Variants in COQ6 observed in about 807,000 individuals in gnomAD.
COQ6 encodes the protein coenzyme Q6, monooxygenase, also known as ubiquinone biosynthesis monooxygenase COQ6, mitochondrial.
In COQ6, 45 loss-of-function variants were observed where a neutral mutation model predicts 55.5. That is an observed-to-expected ratio of 0.81 (90% CI 0.64 to 1.04). The LOEUF (loss-of-function observed/expected upper bound fraction) is 1.04. COQ6 is among the 50% of genes least tolerant of loss of function. The probability of loss-of-function intolerance (pLI) is 0.00; values close to 1 mark genes in which losing one functional copy is unlikely to be tolerated. For missense variants in COQ6, 550 were observed against 601.3 expected (o/e 0.91, Z 0.89); for synonymous variants, 206 against 230.5 (o/e 0.89, Z 0.96).
At chr14:73,958,741 T>C in intron 5 of COQ6, 3 of 1,434,086 alleles carry the variant, frequency 2.1e-6, no homozygotes, top group Non-Finnish European at 2.7e-6. Context: ...TGGCTGAGTT[T>C]AACTCATGGC....
chr14:73,957,104 T>A (rs111535584), intron 4 of COQ6, among the ~76,000 whole-genome samples: 3,180 of 84,812 alleles, frequency 0.037, 88 homozygotes, highest in African/African-American at 0.09. Flanking sequence ...TATTATTATT[T>A]TTTTTTTTTT....
rs1014242022 is a variant in COQ6, at chr14:73,961,061, A to G, written c.892-112A>G. ...TCACTTGTCAAGATCAGTGTAGGCA[A>G]GTTGGGTAGCATTAGCCTAAGCTTT... is the stretch of plus-strand genomic sequence containing the variant. On this transcript the variant is annotated intron_variant, in intron 8 of 11. Coordinates refer to ENST00000334571, the MANE Select transcript of COQ6 (RefSeq NM_182476.3). The G allele has an allele frequency of 5.7e-6, 7 of 1,228,968 alleles. No homozygotes were observed. In the Admixed American group the frequency reaches 1.4e-4, roughly 24 times the overall value. The allele number at this position is 1,228,968 out of a possible 1,614,324, so 76.1% of individuals were successfully genotyped here.
At position 73,955,718 on chromosome 14, in the gene COQ6, T is replaced by C. The variant is rs149268455; in HGVS notation, c.358-87T>C. 1.5e-4 allele frequency: 238 copies of C among 1,590,926 alleles called. No individual in the cohort carries two copies. In the African/African-American group the frequency reaches 2.8e-3, roughly 19 times the overall value. ...AGGCTGACAAATTGTGATTTTCTGCTCTGTCACTTGGGAAAGCAATATTGT... is the reference window on the plus strand; with the variant it reads ...AGGCTGACAAATTGTGATTTTCTGCCCTGTCACTTGGGAAAGCAATATTGT... On this transcript the variant is annotated intron_variant, in intron 3 of 11. Transcript: ENST00000334571.
chr14:73,961,933 C>T (rs760831183), intron 11 of COQ6, 30 bp downstream of exon 11: 3 of 1,612,582 alleles, frequency 1.9e-6, no homozygotes, highest in Admixed American at 1.7e-5. Flanking sequence ...AATGACTTTG[C>T]AAACAGCTCT....
At chr14:73,961,050 C>A (rs2056698554) in intron 8 of COQ6, 123 bp from the exon 9 acceptor site, 2 of 1,098,136 alleles carry the variant, frequency 1.8e-6, no homozygotes, top group Admixed American at 2.0e-5. Flanking sequence ...TTGTCAAGAT[C>A]AGTGTAGGCA....
intron 1 of COQ6, among the ~76,000 whole-genome samples, chr14:73,951,009 A>G (rs11850097): frequency 0.017 from 2,590 of 152,134 alleles, 74 homozygotes; most frequent in African/African-American, 0.059. Context: ...AGTTATTTTT[A>G]TTTTTTGAGA....
chr14:73,961,656 A>G, intron 10 of COQ6, 81 bp from the exon 11 acceptor site: 3 of 1,604,380 alleles, frequency 1.9e-6, no homozygotes, highest in Non-Finnish European at 2.6e-6. Flanking sequence ...GGGAGTGGAC[A>G]TAAAATATAT....
At chr14:73,957,550 ACCT>A (rs2056498366) in intron 4 of COQ6, among the ~76,000 whole-genome samples, 1 of 151,786 alleles carries the variant, frequency 6.6e-6, no homozygotes, top group Admixed American at 6.6e-5. Context: ...CAATCCTCTC[ACCT>A]CAGCCTCCTG....
chr14:73,951,520 G>A (rs1202773838), intron 1 of COQ6, among the ~76,000 whole-genome samples: 1 of 150,202 alleles, frequency 6.7e-6, no homozygotes, highest in Admixed American at 6.6e-5. Context: ...TAGAGACGGG[G>A]TTTCACCATA....
Position 73,959,354 on chromosome 14 carries a change from C to T in COQ6, c.784-61C>T, listed in dbSNP as rs752917935. The T allele has an allele frequency of 1.9e-6, 3 of 1,614,146 alleles. No individual in the cohort carries two copies. The South Asian group carries it at 3.3e-5, about 18-fold the overall frequency. ...TAAGTTCCCTTTTTGTCTTTTTATG[C>T]TTGAGAGTTTCCAAGTGCAGCAGAG... On this transcript the variant is annotated intron_variant, in intron 7 of 11. Coordinates refer to ENST00000334571, the MANE Select transcript of COQ6 (RefSeq NM_182476.3).
chr14:73,951,632 G>A (rs1036952857), intron 1 of COQ6, among the ~76,000 whole-genome samples: 3 of 143,814 alleles, frequency 2.1e-5, no homozygotes, highest in Admixed American at 1.5e-4. Context: ...GGCCCATTAT[G>A]AGATTTTTTT....
intron 8 of COQ6, 66 bp from the exon 9 acceptor site, chr14:73,961,107 T>C (rs2056704019): frequency 6.5e-7 from 1 of 1,539,308 alleles, no homozygotes; most frequent in African/African-American, 1.4e-5. Context: ...AAGGTTTCTT[T>C]ATTGAATTTT....
chr14:73,953,213 T>G (rs979422958), intron 1 of COQ6, among the ~76,000 whole-genome samples: 1 of 152,198 alleles, frequency 6.6e-6, no homozygotes, highest in African/African-American at 2.4e-5. Flanking sequence ...GCACGTGGCA[T>G]GTAGTGGTCT....
rs368464022 is a variant in COQ6 at position 73,958,182 on chromosome 14, C to G, written c.517C>G (p.Arg173Gly). The change falls in exon 5 of 12, where the codon CGC (arginine) becomes GGC (glycine). Residue 173 changes from arginine to glycine, a missense_variant. Transcript: ENST00000334571. ...GGTTCTCTACAGGAGCAAAGCCATT[C>G]GCTATACCTGGCCTTGTCCATTTCC... ...VTVLYRSKAIRYTWPCPFPMA... is the reference protein window; with the variant it reads ...VTVLYRSKAIGYTWPCPFPMA... 2.5e-6 allele frequency: 4 copies of G among 1,614,052 alleles called. No homozygotes were observed. The highest frequency in any genetic ancestry group is 3.4e-6 in the Non-Finnish European group (4 of 1,180,014).
At chr14:73,955,418 G>C in intron 2 of COQ6, 33 bp from the exon 3 acceptor site, 2 of 1,589,268 alleles carry the variant, frequency 1.3e-6, no homozygotes, top group Non-Finnish European at 1.7e-6. Context: ...TCCTTGTGAA[G>C]TCACTCTGGT....
chr14:73,958,763 C>A, intron 5 of COQ6: 1 of 1,471,026 alleles, frequency 6.8e-7, no homozygotes, highest in Non-Finnish European at 9.0e-7. Flanking sequence ...GGCACCTGTT[C>A]AGTCATGTCC....
At chr14:73,957,578 C>T (rs1240023892) in intron 4 of COQ6, among the ~76,000 whole-genome samples, 1 of 152,088 alleles carries the variant, frequency 6.6e-6, no homozygotes, top group East Asian at 1.9e-4. Context: ...ACTGGGACGA[C>T]AGGTGCGCAC....
Position 73,950,463 on chromosome 14 carries a change from G to A in COQ6, c.131G>A (p.Gly44Asp), listed in dbSNP as rs989361074. The change falls in exon 1 of 12, where the codon GGC becomes GAC. Residue 44 changes from glycine to aspartate, a missense_variant. Transcript: ENST00000334571. ...TATGACGTGGTGGTGTCGGGTGGAG[G>A]CCTGGTGGGCGCTGCCATGGCCTGT... The part of the protein sequence containing the change: ...TVYDVVVSGG[G>D]LVGAAMACAL... 8.1e-6 allele frequency: 13 copies of A among 1,609,484 alleles called. No individual in the cohort carries two copies. The highest frequency in any genetic ancestry group is 1.1e-5 in the Non-Finnish European group (13 of 1,178,606).
At position 73,959,621 on chromosome 14, in the gene COQ6, G is replaced by A. The variant is rs1012981621; in HGVS notation, c.891+99G>A. 47 of 1,580,758 alleles carry A rather than the reference G, an allele frequency of 3.0e-5. No homozygotes were observed. In the African/African-American group the frequency reaches 3.8e-4, roughly 13 times the overall value. ...AAACGGATCCTTGCCAGGCTGGAGCGCAGTGGCGCGATCTTGGCTCACTGT... is the reference window on the plus strand; with the variant it reads ...AAACGGATCCTTGCCAGGCTGGAGCACAGTGGCGCGATCTTGGCTCACTGT... On this transcript the variant is annotated intron_variant, in intron 8 of 11. Coordinates refer to ENST00000334571, the MANE Select transcript of COQ6 (RefSeq NM_182476.3).
Sources: allele counts gnomAD v4.1 joint callset (sites outside exome capture counted in the v4.1 genomes callset), GRCh38; gene constraint gnomAD v4.1.1; transcripts MANE v1.5; gene names NCBI Gene and HGNC (gene_info 2026-07-23, HGNC 2026-07-21).